CUX2: variants seen among roughly 807,000 people sequenced by gnomAD.
CUX2 encodes homeobox protein cut-like 2.
A neutral mutation model predicts 144.8 loss-of-function variants in CUX2; 40 were observed. That is an observed-to-expected ratio of 0.28 (90% CI 0.21 to 0.36). CUX2 has a LOEUF of 0.36. Among genes scored for constraint, CUX2 ranks in the 10% least tolerant of loss-of-function variants. The probability of loss-of-function intolerance (pLI) is 1.00; values close to 1 mark genes in which losing one functional copy is unlikely to be tolerated. For missense variants in CUX2, 1,615 were observed against 1,994.0 expected, an observed-to-expected ratio of 0.81 and a Z score of 3.62; for synonymous variants, 827 against 875.6, an observed-to-expected ratio of 0.94 and a Z score of 0.98.
intron 1 of CUX2, among the ~76,000 whole-genome samples, chr12:111,095,524 G>T (rs1002689566): frequency 6.6e-6 from 1 of 152,140 alleles, no homozygotes; most frequent in East Asian, 1.9e-4. Flanking sequence ...TACCCACTGT[G>T]TGTTCTTAGG....
intron 1 of CUX2, among the ~76,000 whole-genome samples, chr12:111,126,054 G>C (rs1025001854): frequency 4.5e-5 from 6 of 133,266 alleles, no homozygotes; most frequent in African/African-American, 2.5e-4. Context: ...TGGGGGGGGC[G>C]GATTTATTAT....
At chr12:111,044,493 G>C (rs562115659) in intron 1 of CUX2, among the ~76,000 whole-genome samples, 65 of 152,020 alleles carry the variant, frequency 4.3e-4, no homozygotes, top group Non-Finnish European at 7.5e-4. Flanking sequence ...CCCTCTCTCT[G>C]AGACAATTTC....
At chr12:111,052,915 A>G (rs1414557888) in intron 1 of CUX2, among the ~76,000 whole-genome samples, 1 of 152,212 alleles carries the variant, frequency 6.6e-6, no homozygotes, top group East Asian at 1.9e-4. Context: ...ATGTGGGGCC[A>G]GTGGCAGGCA....
At chr12:111,279,711 C>A (rs1415720462) in intron 4 of CUX2, among the ~76,000 whole-genome samples, 1 of 151,986 alleles carries the variant, frequency 6.6e-6, no homozygotes, top group Non-Finnish European at 1.5e-5. Context: ...GAGCTGGGCT[C>A]GGTGGCTCAT....
At chr12:111,296,620 G>A in intron 8 of CUX2, 81 bp downstream of exon 8, 1 of 1,342,604 alleles carries the variant, frequency 7.4e-7, no homozygotes, top group Non-Finnish European at 1.0e-6. Flanking sequence ...TCCAGTACTT[G>A]CCTCCTCCCT....
chr12:111,232,012 A>G (rs1197436948), intron 3 of CUX2, among the ~76,000 whole-genome samples: 1 of 151,944 alleles, frequency 6.6e-6, no homozygotes, highest in Non-Finnish European at 1.5e-5. Flanking sequence ...AGGCTGAGGC[A>G]GGAGAATTGC....
rs2136366522 is a variant in CUX2 at position 111,307,682 on chromosome 12, G to T, written c.1109+425G>T. ...ACTGCACTCCAGCCTGGACAACACA[G>T]TGAGACCCTGTCTCAAAAACAAAAC... On this transcript the variant is annotated intron_variant, in intron 12 of 21. Coordinates refer to ENST00000261726, the MANE Select transcript of CUX2 (RefSeq NM_015267.4). The surrounding 1 kb of genome is among the most constrained non-coding windows in gnomAD (Gnocchi z 4.1). 6.6e-6 allele frequency among the ~76,000 whole-genome samples: 1 copy of T among 152,338 alleles called. No individual in the cohort carries two copies. The highest frequency in any genetic ancestry group is 2.4e-5 in the African/African-American group (1 of 41,584).
intron 1 of CUX2, among the ~76,000 whole-genome samples, chr12:111,184,573 CAAAAAA>C (rs71445536): frequency 1.9e-4 from 9 of 46,910 alleles, no homozygotes; most frequent in African/African-American, 3.7e-4. Flanking sequence ...TTCTCTCTAC[CAAAAAA>C]AAAAAAAAAA....
intron 1 of CUX2, among the ~76,000 whole-genome samples, chr12:111,056,632 T>G (rs1870540986): frequency 6.6e-6 from 1 of 152,232 alleles, no homozygotes; most frequent in Non-Finnish European, 1.5e-5. Context: ...TAGTATCACT[T>G]CCATCTACTC....
Position 111,298,681 on chromosome 12 carries a change from T to A in CUX2, c.753+92T>A. ...CCAGATGAGGAGGAAGGGACTGAGC[T>A]TCATCAATATTTATTCAACTGTGGG... On this transcript the variant is annotated intron_variant, in intron 9 of 21. Transcript: ENST00000261726. 3.2e-6 allele frequency: 4 copies of A among 1,251,156 alleles called. No individual in the cohort carries two copies. In the South Asian group the frequency reaches 5.2e-5, roughly 16 times the overall value. 77.5% of individuals were successfully genotyped at this position (1,251,156 alleles called of 1,614,324 possible).
chr12:111,173,948 C>T (rs1462456357), intron 1 of CUX2, among the ~76,000 whole-genome samples: 7 of 152,138 alleles, frequency 4.6e-5, no homozygotes, highest in Non-Finnish European at 8.8e-5. Flanking sequence ...GGAAACTGCA[C>T]GTACAAAGGT....
chr12:111,183,930 G>T (rs1349118403), intron 1 of CUX2, among the ~76,000 whole-genome samples: 1 of 152,164 alleles, frequency 6.6e-6, no homozygotes, highest in Non-Finnish European at 1.5e-5. Flanking sequence ...TTCCTTGGGT[G>T]GCTGGCACCC....
chr12:111,188,614 G>A (rs1241952701), intron 1 of CUX2, among the ~76,000 whole-genome samples: 6 of 152,160 alleles, frequency 3.9e-5, no homozygotes, highest in East Asian at 1.9e-4. Flanking sequence ...GCCAAAGAAC[G>A]TCAGAGTGGT....
At chr12:111,163,388 C>T (rs1218782560) in intron 1 of CUX2, among the ~76,000 whole-genome samples, 1 of 152,164 alleles carries the variant, frequency 6.6e-6, no homozygotes, top group African/African-American at 2.4e-5. Context: ...GTGGACAGTA[C>T]CTCAATGAAT....
In CUX2 at chr12:111,057,605, T is replaced by C. The variant is rs1050449742; in HGVS notation, c.63+23365T>C. ...CCTAGCCTCCACCATCTTCCTGTCT[T>C]CCTGTGGGCCCCTCGCTCCCCACTT... On this transcript the variant is annotated intron_variant, in intron 1 of 21. Coordinates refer to ENST00000261726, the MANE Select transcript of CUX2 (RefSeq NM_015267.4). This position sits in a 1 kb window ranked among gnomAD's most constrained non-coding sequence, Gnocchi z 5.1. Among the ~76,000 whole-genome samples, 1 of 152,146 alleles carries C rather than the reference T, an allele frequency of 6.6e-6. No homozygotes were observed. Among genetic ancestry groups the C allele is most frequent in the East Asian group, 1.9e-4 (1 of 5,196 alleles).
intron 1 of CUX2, among the ~76,000 whole-genome samples, chr12:111,192,332 G>C (rs987896063): frequency 1.3e-5 from 2 of 152,018 alleles, no homozygotes; most frequent in Admixed American, 6.5e-5. Flanking sequence ...GTTTCGCCAT[G>C]TTGGCCAGGC....
At chr12:111,134,721 G>A (rs1029787916) in intron 1 of CUX2, among the ~76,000 whole-genome samples, 1 of 152,076 alleles carries the variant, frequency 6.6e-6, no homozygotes, top group African/African-American at 2.4e-5. Context: ...ATAAGGAGAT[G>A]CCCAGGGAGA....
At chr12:111,087,292 T>C (rs567072462) in intron 1 of CUX2, among the ~76,000 whole-genome samples, 40 of 131,520 alleles carry the variant, frequency 3.0e-4, no homozygotes, top group Admixed American at 1.3e-3. Context: ...TGCTTGAACC[T>C]GGGAGGCGGA....
At chr12:111,131,471 C>G (rs2136109717) in intron 1 of CUX2, among the ~76,000 whole-genome samples, 1 of 152,228 alleles carries the variant, frequency 6.6e-6, no homozygotes, top group Middle Eastern at 3.4e-3. Context: ...TCATGCCTTC[C>G]CAACAGTCCC....
Sources: allele counts gnomAD v4.1 joint callset (sites outside exome capture counted in the v4.1 genomes callset), GRCh38; gene constraint gnomAD v4.1.1; non-coding constraint Gnocchi (gnomAD v3.1); transcripts MANE v1.5; gene names NCBI Gene and HGNC (gene_info 2026-07-23, HGNC 2026-07-21).